ERICH6: variants seen among roughly 807,000 people sequenced by gnomAD.
The protein encoded by ERICH6 is glutamate-rich protein 6.
A neutral mutation model predicts 71.0 loss-of-function variants in ERICH6; 71 were observed. That is an observed-to-expected ratio of 1.00 (90% CI 0.83 to 1.22). The LOEUF is 1.22. Ranked by LOEUF, ERICH6 falls within the 50% of genes most tolerant of loss-of-function variation. The pLI, the probability that ERICH6 is intolerant of heterozygous loss-of-function variation, is 0.00. For synonymous variants in ERICH6, 262 were observed against 278.4 expected, an observed-to-expected ratio of 0.94 and a Z score of 0.59; for missense variants, 808 against 797.2, an observed-to-expected ratio of 1.01 and a Z score of -0.16.
rs554938452 is a variant in ERICH6, at chr3:150,663,523, C to T, written c.1728+3264G>A. ...AGGCTGGAGTGCAGCAGCACAATCA[C>T]GGCTCATGCAGCCTTGAACCCCCTG... On this transcript the variant is annotated intron_variant, in intron 13 of 13. Coordinates refer to ENST00000295910, the MANE Select transcript of ERICH6 (RefSeq NM_152394.5). 7.7e-4 allele frequency among the ~76,000 whole-genome samples: 115 copies of T among 149,456 alleles called. 1 individual carries two copies. Among genetic ancestry groups the T allele is most frequent in the African/African-American group, 2.7e-3 (110 of 40,108 alleles).
chr3:150,680,224 A>G (rs574282230), intron 9 of ERICH6, among the ~76,000 whole-genome samples: 29 of 152,302 alleles, frequency 1.9e-4, no homozygotes, highest in Non-Finnish European at 3.4e-4. Flanking sequence ...AAATTTTTCA[A>G]TACTACTACT....
At chr3:150,661,666 T>C (rs1269447354) in intron 13 of ERICH6, among the ~76,000 whole-genome samples, 1 of 152,210 alleles carries the variant, frequency 6.6e-6, no homozygotes, top group East Asian at 1.9e-4. Context: ...ATTCTATGCA[T>C]ATTATAAAAG....
At position 150,678,423 on chromosome 3, in the gene ERICH6, T is replaced by G; in HGVS notation, c.1243A>C (p.Ile415Leu). ...AAGTTCATTACCTTTCCACATGCTA[T>G]CCGAGAATCACAACAAATGATAGAC... ...NMSIICCDSR[I>L]ACGKVVRNEL... The change falls in exon 10 of 14, where the codon ATA becomes CTA. Residue 415 changes from isoleucine (I) to leucine (L), a missense_variant. Ile to Leu is a conservative substitution (Grantham distance 5). Transcript: ENST00000295910. The G allele has an allele frequency of 6.3e-7, 1 of 1,577,102 alleles. No individual in the cohort carries two copies. The highest frequency in any genetic ancestry group is 1.2e-5 in the South Asian group (1 of 83,448).
At chr3:150,683,268 C>T (rs1431006598) in intron 6 of ERICH6, among the ~76,000 whole-genome samples, 1 of 152,178 alleles carries the variant, frequency 6.6e-6, no homozygotes. Flanking sequence ...AAGCAGAATG[C>T]TTGGAGAGTG....
At chr3:150,691,543 A>G (rs1188667460) in intron 3 of ERICH6, among the ~76,000 whole-genome samples, 1 of 152,182 alleles carries the variant, frequency 6.6e-6, no homozygotes, top group Non-Finnish European at 1.5e-5. Context: ...TTAGTCCTAG[A>G]GTAGAATGAC....
chr3:150,687,209 G>C (rs1044608604), intron 3 of ERICH6, among the ~76,000 whole-genome samples: 2 of 152,196 alleles, frequency 1.3e-5, no homozygotes, highest in Non-Finnish European at 2.9e-5. Context: ...TAATCACAAC[G>C]CTGCTAAGTG....
chr3:150,687,972 A>T (rs966140273), intron 3 of ERICH6, among the ~76,000 whole-genome samples: 5 of 152,054 alleles, frequency 3.3e-5, no homozygotes, highest in Non-Finnish European at 1.5e-5. Flanking sequence ...TTTAAAAAAA[A>T]TTAGCTGGTT....
At chr3:150,685,133 C>T (rs868819063) in intron 6 of ERICH6, among the ~76,000 whole-genome samples, 1 of 152,184 alleles carries the variant, frequency 6.6e-6, no homozygotes, top group Non-Finnish European at 1.5e-5. Flanking sequence ...CCGTGTCTGG[C>T]CTGTTTCCAG....
chr3:150,702,108 A>C lies in ERICH6; in HGVS notation c.461+13T>G. The C allele has an allele frequency of 6.6e-7, 1 of 1,522,616 alleles. No individual in the cohort carries two copies. 94.3% of individuals were successfully genotyped at this position (1,522,616 alleles called of 1,614,324 possible). On this transcript the variant is annotated intron_variant, in intron 2 of 13. Coordinates refer to ENST00000295910, the MANE Select transcript of ERICH6 (RefSeq NM_152394.5). ...GGGTTCAAAAAATGTGAAATTTGAAAACATTTTCTTACCTATCTATACTCA... is the reference window on the plus strand; with the variant it reads ...GGGTTCAAAAAATGTGAAATTTGAACACATTTTCTTACCTATCTATACTCA...
At chr3:150,685,681 C>A (rs1712152236) in intron 6 of ERICH6, 61 bp downstream of exon 6, 4 of 1,296,682 alleles carry the variant, frequency 3.1e-6, no homozygotes, top group Non-Finnish European at 4.4e-6. Context: ...TTGTGCAAAT[C>A]ATTATGTTTT....
Position 150,669,404 on chromosome 3 carries a change from T to C in ERICH6, c.1391A>G (p.Asn464Ser). 3.1e-6 allele frequency: 5 copies of C among 1,613,720 alleles called. No homozygotes were observed. Among genetic ancestry groups the C allele is most frequent in the Non-Finnish European group, 2.5e-6 (3 of 1,179,850 alleles). Residue 464 changes from asparagine (N) to serine (S), a missense_variant, in exon 12 of 14, where the codon AAT becomes AGT. Asn to Ser is a conservative substitution (Grantham distance 46). Around this residue, in one of 3 missense-constraint regions of ERICH6, gnomAD observed 736 missense variants for 712.2 expected, o/e 1.03. Transcript: ENST00000295910. ...TTCTTGGACTATACAAGTAAAACCATTTACCTTGTTGGGCACTCGAATGAT... is the reference window on the plus strand; with the variant it reads ...TTCTTGGACTATACAAGTAAAACCACTTACCTTGTTGGGCACTCGAATGAT... Reference protein sequence around the residue: ...LAIIRVPNKVNGFTCIVQEDM... With the variant: ...LAIIRVPNKVSGFTCIVQEDM...
In ERICH6 at chr3:150,672,264, C is replaced by CATATATATATATATATATATATATAT. The variant is rs57492414; in HGVS notation, c.1343+1691_1343+1692insATATATATATATATATATATATATAT. Among the ~76,000 whole-genome samples the CATATATATATATATATATATATATAT allele has an allele frequency of 8.4e-3, 1,040 of 123,372 alleles. 63 individuals carry two copies. The highest frequency in any genetic ancestry group is 0.023 in the African/African-American group (709 of 30,874). 80.9% of individuals were successfully genotyped at this position (123,372 alleles called of 152,430 possible). Reference sequence around the variant, plus strand: ...TAAACAAAGAATCCATTTATATATACATATATATATATATGCTCATACACA... The same window carrying CATATATATATATATATATATATATAT: ...TAAACAAAGAATCCATTTATATATACATATATATATATATATATATATATATATATATATATATATGCTCATACACA... On this transcript the variant is annotated intron_variant, in intron 11 of 13. Transcript: ENST00000295910.
intron 6 of ERICH6, among the ~76,000 whole-genome samples, 173 bp downstream of exon 6, chr3:150,685,569 T>C (rs1376483800): frequency 6.6e-6 from 1 of 152,014 alleles, no homozygotes; most frequent in African/African-American, 2.4e-5. Flanking sequence ...GTACCTGTTA[T>C]AGCAGCCCTA....
Position 150,701,981 on chromosome 3 carries a change from A to G in ERICH6, c.461+140T>C, listed in dbSNP as rs941732797. On this transcript the variant is annotated intron_variant, in intron 2 of 13. Transcript: ENST00000295910. ...CTTTATCTCTTTCAAAGTGTCTACC[A>G]GTGTATATTTAAAAAAAACTTTTTA... 12 of 587,482 alleles carry G rather than the reference A, an allele frequency of 2.0e-5. No individual in the cohort carries two copies. The African/African-American group carries it at 2.3e-4, about 11-fold the overall frequency. 36.4% of individuals were successfully genotyped at this position (587,482 alleles called of 1,614,324 possible).
At chr3:150,699,692 T>C (rs1712785750) in intron 2 of ERICH6, among the ~76,000 whole-genome samples, 1 of 145,922 alleles carries the variant, frequency 6.9e-6, no homozygotes. Flanking sequence ...AACTTTAATA[T>C]ATTAGAACAA....
chr3:150,678,330 G>T, intron 10 of ERICH6, 79 bp downstream of exon 10: 1 of 1,392,976 alleles, frequency 7.2e-7, no homozygotes, highest in Non-Finnish European at 9.6e-7. Context: ...ATGTAGCCAA[G>T]CTTCATGAAA....
chr3:150,660,033 G>A lies in ERICH6; in HGVS notation c.1851C>T (p.Pro617=), dbSNP rs776040366. The stretch of plus-strand genomic sequence containing the variant: ...TTAATTTTTCCCAAACCTGGCTTGA[G>A]GGAAAATTCACACATCCTTCAAGTT... The part of the protein sequence containing the change: ...FHKLEGCVNF[P]SSQVWEKLKQ... The change falls in exon 14 of 14, where the codon CCC becomes CCT. Residue 617 remains proline (P), a synonymous_variant. Coordinates refer to ENST00000295910, the MANE Select transcript of ERICH6 (RefSeq NM_152394.5). 2.5e-6 allele frequency: 4 copies of A among 1,614,132 alleles called. No homozygotes were observed. The highest frequency in any genetic ancestry group is 3.4e-6 in the Non-Finnish European group (4 of 1,180,028).
intron 3 of ERICH6, among the ~76,000 whole-genome samples, chr3:150,688,824 T>C (rs1280403736): frequency 6.6e-6 from 1 of 152,238 alleles, no homozygotes; most frequent in Non-Finnish European, 1.5e-5. Flanking sequence ...CATATGTTGA[T>C]TGATGTCTCA....
intron 7 of ERICH6, among the ~76,000 whole-genome samples, 184 bp downstream of exon 7, chr3:150,682,034 C>A (rs1408919510): frequency 6.6e-6 from 1 of 151,992 alleles, no homozygotes; most frequent in African/African-American, 2.4e-5. Context: ...AGGCTGGTCT[C>A]GAACTCCTGA....
Sources: allele counts gnomAD v4.1 joint callset (sites outside exome capture counted in the v4.1 genomes callset), GRCh38; gene constraint gnomAD v4.1.1; regional missense constraint gnomAD v4.1.1; transcripts MANE v1.5; gene names NCBI Gene and HGNC (gene_info 2026-07-23, HGNC 2026-07-21).